SLC4A9: variants seen among roughly 807,000 people sequenced by gnomAD.
SLC4A9 encodes the protein solute carrier family 4 member 9.
SLC4A9 carries 102 observed loss-of-function variants against 103.2 expected under a neutral mutation model. The observed-to-expected ratio is 0.99, with a 90% confidence interval of 0.84 to 1.17. The LOEUF (loss-of-function observed/expected upper bound fraction) is 1.17. SLC4A9 is among the 50% of genes most tolerant of loss of function. The probability of loss-of-function intolerance (pLI) is 0.00; values close to 1 mark genes in which losing one functional copy is unlikely to be tolerated. For synonymous variants in SLC4A9, 453 were observed against 483.6 expected (o/e 0.94, Z 0.83); for missense variants, 1,091 against 1,193.7 (o/e 0.91, Z 1.27).
chr5:140,360,859 G>A lies in SLC4A9; in HGVS notation c.278G>A (p.Ser93Asn), dbSNP rs1766966022. ...TTGGAGGTGGCTGCAGGCCGGTGGA[G>A]TGCCCCCCACGTGCCCACCCTGGCA... ...EKLEVAAGRW[S>N]APHVPTLALP... is the part of the protein sequence containing the mutation. The change falls in exon 2 of 22, where the codon AGT (serine) becomes AAT (asparagine). Residue 93 changes from serine to asparagine, a missense_variant. Transcript: ENST00000506757. 1 of 1,612,886 alleles carries A rather than the reference G, an allele frequency of 6.2e-7. No individual in the cohort carries two copies. The highest frequency in any genetic ancestry group is 1.1e-5 in the South Asian group (1 of 90,958).
intron 17 of SLC4A9, among the ~76,000 whole-genome samples, chr5:140,370,477 AC>A (rs1768546534): frequency 6.6e-6 from 1 of 151,778 alleles, no homozygotes; most frequent in Admixed American, 6.6e-5. Context: ...AAAAAAAAAA[AC>A]AAAAACAAAA....
rs1424733073 is a variant in SLC4A9, at chr5:140,366,001, C to T, written c.1878C>T (p.Thr626=). 1 of 1,613,852 alleles carries T rather than the reference C, an allele frequency of 6.2e-7. No individual in the cohort carries two copies. Among genetic ancestry groups the T allele is most frequent in the African/African-American group, 1.3e-5 (1 of 74,924 alleles). ...FFAMALKCVK[T]SRFFPSVVRK... The stretch of plus-strand genomic sequence containing the variant: ...CTATGGCCCTCAAGTGTGTAAAGAC[C>T]AGCCGCTTCTTCCCCTCTGTGGTGA... Residue 626 remains threonine, a synonymous_variant, in exon 13 of 22, where the codon ACC becomes ACT. Transcript: ENST00000506757.
In SLC4A9 at chr5:140,362,054, C is replaced by A; in HGVS notation, c.599C>A (p.Ala200Asp). 1 of 1,605,344 alleles carries A rather than the reference C, an allele frequency of 6.2e-7. No individual in the cohort carries two copies. Among genetic ancestry groups the A allele is most frequent in the Non-Finnish European group, 8.5e-7 (1 of 1,177,844 alleles). Residue 200 changes from alanine (A) to aspartate (D), a missense_variant, in exon 5 of 22, where the codon GCT (alanine) becomes GAT (aspartate). By Grantham distance (126) the Ala-to-Asp change is moderately radical (BLOSUM62 -2). Transcript: ENST00000506757. The part of the protein sequence containing the change: ...NPLRQKLPPG[A>D]EAGTVLAGEL... ...CTGAGACAGAAGCTACCTCCAGGAGCTGAGGCAGGGACTGTGCTGGCAGGG... is the reference window on the plus strand; with the variant it reads ...CTGAGACAGAAGCTACCTCCAGGAGATGAGGCAGGGACTGTGCTGGCAGGG...
At chr5:140,370,464 C>CAA (rs397976586) in intron 17 of SLC4A9, among the ~76,000 whole-genome samples, 52 of 90,870 alleles carry the variant, frequency 5.7e-4, no homozygotes, top group African/African-American at 1.8e-3. Flanking sequence ...AACTCCACCT[C>CAA]AAAAAAAAAA....
chr5:140,362,084 T>TG lies in SLC4A9; in HGVS notation c.632dup (p.Phe212LeufsTer23). 1 of 1,584,314 alleles carries TG rather than the reference T, an allele frequency of 6.3e-7. No homozygotes were observed. Among genetic ancestry groups the TG allele is most frequent in the Non-Finnish European group, 8.5e-7 (1 of 1,172,652 alleles). ...GCAGGGACTGTGCTGGCAGGGGAGCTGGGCTTCCTGGCACAGCCACTGGGA... is the reference window on the plus strand; with the variant it reads ...GCAGGGACTGTGCTGGCAGGGGAGCTGGGGCTTCCTGGCACAGCCACTGGGA... On this transcript the variant is annotated frameshift_variant, in exon 5 of 22. Coordinates refer to ENST00000506757, the MANE Select transcript of SLC4A9 (RefSeq NM_031467.3). LOFTEE classifies it high-confidence loss of function.
At chr5:140,374,288 G>A (rs371265485) in intron 21 of SLC4A9, among the ~76,000 whole-genome samples, 5 of 149,282 alleles carry the variant, frequency 3.3e-5, no homozygotes, top group African/African-American at 9.9e-5. Flanking sequence ...GGCCAGGCAC[G>A]GTGGCTCACG....
intron 21 of SLC4A9, among the ~76,000 whole-genome samples, chr5:140,374,287 C>T (rs541065618): frequency 7.9e-5 from 12 of 151,848 alleles, no homozygotes; most frequent in African/African-American, 2.4e-4. Flanking sequence ...AGGCCAGGCA[C>T]GGTGGCTCAC....
In SLC4A9 at chr5:140,363,916, A is replaced by T; in HGVS notation, c.1254+14A>T. On this transcript the variant is annotated intron_variant, in intron 9 of 21. Transcript: ENST00000506757. The surrounding 1 kb of genome is among the most constrained non-coding windows in gnomAD (Gnocchi z 4.5). ...GATGGTGCCCAGGTGGGTAGGGCCC[A>T]GGGGGCAGGCACAAGCGTTGGTGTC... 1.2e-6 allele frequency: 2 copies of T among 1,612,486 alleles called. No individual in the cohort carries two copies.
At chr5:140,368,925 C>A (rs1197891302) in intron 17 of SLC4A9, among the ~76,000 whole-genome samples, 1 of 152,184 alleles carries the variant, frequency 6.6e-6, no homozygotes, top group African/African-American at 2.4e-5. Flanking sequence ...AAACGCTTAT[C>A]CAATGGGCTT....
Position 140,363,311 on chromosome 5 carries a change from G to A in SLC4A9, c.963-128G>A. The A allele has an allele frequency of 1.0e-6, 1 of 968,508 alleles. No individual in the cohort carries two copies. The highest frequency in any genetic ancestry group is 1.5e-6 in the Non-Finnish European group (1 of 651,118). 60.0% of individuals were successfully genotyped at this position (968,508 alleles called of 1,614,324 possible). A position where few individuals can be genotyped will look rare whatever the true frequency, so the allele number is the denominator to read the frequency against. On this transcript the variant is annotated intron_variant, in intron 7 of 21. Coordinates refer to ENST00000506757, the MANE Select transcript of SLC4A9 (RefSeq NM_031467.3). The surrounding 1 kb of genome is among the most constrained non-coding windows in gnomAD (Gnocchi z 4.5). ...TGACCTGGACCTTCTAGAGGCCCAG[G>A]TGTCGCCATGGTTCCCTCGCCGGCA...
At chr5:140,361,416 T>A in intron 3 of SLC4A9, 49 bp downstream of exon 3, 1 of 1,440,504 alleles carries the variant, frequency 6.9e-7, no homozygotes, top group Non-Finnish European at 9.5e-7. Context: ...TGTGGCAGGG[T>A]CTCAGATCTC....
In SLC4A9 at chr5:140,363,655, G is replaced by A; in HGVS notation, c.1080-73G>A. The stretch of plus-strand genomic sequence containing the variant: ...GCTCACTGTGGGAGGGGCTCACCCG[G>A]TCACAGGGAAAGTAGCGGGGATGCG... On this transcript the variant is annotated intron_variant, in intron 8 of 21. Coordinates refer to ENST00000506757, the MANE Select transcript of SLC4A9 (RefSeq NM_031467.3). The surrounding 1 kb of genome is among the most constrained non-coding windows in gnomAD (Gnocchi z 4.5). 1 of 1,590,326 alleles carries A rather than the reference G, an allele frequency of 6.3e-7. No homozygotes were observed. The highest frequency in any genetic ancestry group is 1.1e-5 in the South Asian group (1 of 88,168).
chr5:140,372,751 C>A lies in SLC4A9; in HGVS notation c.2833C>A (p.Leu945Met). 1 of 1,580,390 alleles carries A rather than the reference C, an allele frequency of 6.3e-7. No individual in the cohort carries two copies. Among genetic ancestry groups the A allele is most frequent in the Non-Finnish European group, 8.6e-7 (1 of 1,162,376 alleles). ...FSGSDSEDSE[L>M]MYQPKAPEIN... is the part of the protein sequence containing the mutation. ...TGGGATCTGTCTTCCACAGTCAGAG[C>A]TGATGTATCAGCCAAAGGCTCCAGA... The change falls in exon 21 of 22, where the codon CTG (leucine) becomes ATG (methionine). Residue 945 changes from leucine to methionine, a missense_variant. By Grantham distance (15) the Leu-to-Met change is conservative (BLOSUM62 2). Transcript: ENST00000506757.
Position 140,364,353 on chromosome 5 carries a change from A to T in SLC4A9, c.1389-10A>T. ...TGCTAAGCCAGCCTTCCTGTCTCTC[A>T]TCCCCACAGAGATTACAGCCTGGAC... On this transcript the variant is annotated splice_polypyrimidine_tract_variant and intron_variant, in intron 10 of 21. Coordinates refer to ENST00000506757, the MANE Select transcript of SLC4A9 (RefSeq NM_031467.3). The T allele has an allele frequency of 6.2e-7, 1 of 1,612,006 alleles. No individual in the cohort carries two copies. The highest frequency in any genetic ancestry group is 8.5e-7 in the Non-Finnish European group (1 of 1,179,496).
rs1767450990 is a variant in SLC4A9 at position 140,363,659 on chromosome 5, C to T, written c.1080-69C>T. 7.4e-5 allele frequency: 118 copies of T among 1,593,998 alleles called. 1 individual carries two copies. The highest frequency in any genetic ancestry group is 9.7e-5 in the Non-Finnish European group (113 of 1,169,068). Reference sequence around the variant, plus strand: ...ACTGTGGGAGGGGCTCACCCGGTCACAGGGAAAGTAGCGGGGATGCGGGTG... The same window carrying T: ...ACTGTGGGAGGGGCTCACCCGGTCATAGGGAAAGTAGCGGGGATGCGGGTG... On this transcript the variant is annotated intron_variant, in intron 8 of 21. Transcript: ENST00000506757. The surrounding 1 kb of genome is among the most constrained non-coding windows in gnomAD (Gnocchi z 4.5).
chr5:140,373,241 T>G (rs1315234168), intron 21 of SLC4A9, among the ~76,000 whole-genome samples: 1 of 152,124 alleles, frequency 6.6e-6, no homozygotes, highest in African/African-American at 2.4e-5. Context: ...ACTCCAGACT[T>G]GTGGAGGAAA....
rs1343598120 is a variant in SLC4A9 at position 140,362,961 on chromosome 5, CA to C, written c.858del (p.Ala287ProfsTer6). 22 of 1,613,662 alleles carry C rather than the reference CA, an allele frequency of 1.4e-5. No individual in the cohort carries two copies. Among genetic ancestry groups the C allele is most frequent in the Non-Finnish European group, 1.9e-5 (22 of 1,179,854 alleles). Reference protein sequence around the residue: ...RRASNLHDLLAALDAFLEEVT... With the variant: ...RRASNLHDLLXALDAFLEEVT... ...GCCAGCAACCTTCATGACCTTCTGGCAGCCCTGGATGCATTCCTAGAGGAGG... is the reference window on the plus strand; with the variant it reads ...GCCAGCAACCTTCATGACCTTCTGGCGCCCTGGATGCATTCCTAGAGGAGG... On this transcript the variant is annotated frameshift_variant, in exon 7 of 22. Coordinates refer to ENST00000506757, the MANE Select transcript of SLC4A9 (RefSeq NM_031467.3). LOFTEE classifies it high-confidence loss of function.
At chr5:140,372,915 T>A in intron 21 of SLC4A9, 72 bp downstream of exon 21, 1 of 887,562 alleles carries the variant, frequency 1.1e-6, no homozygotes, top group Non-Finnish European at 1.7e-6. Context: ...AACTCTCCAG[T>A]GTGTTGGCCA....
intron 20 of SLC4A9, 37 bp from the exon 21 acceptor site, chr5:140,372,708 T>C: frequency 1.3e-6 from 2 of 1,515,318 alleles, no homozygotes; most frequent in Non-Finnish European, 1.8e-6. Context: ...TGTCTTTCTA[T>C]CTATTCTCAA....
Sources: gnomAD v4.1 joint callset for allele counts (sites outside exome capture counted in the v4.1 genomes callset) on GRCh38, gnomAD v4.1.1 for gene constraint, Gnocchi (gnomAD v3.1) non-coding constraint, MANE v1.5 for transcripts, NCBI Gene and HGNC (gene_info 2026-07-23, HGNC 2026-07-21) for gene names.